SIPA1L2: variants seen among roughly 807,000 people sequenced by gnomAD.
SIPA1L2 encodes signal induced proliferation associated 1 like 2, also known as signal-induced proliferation-associated 1-like protein 2.
Under a neutral mutation model 163.9 loss-of-function variants are expected in SIPA1L2, and 56 were observed. That is an observed-to-expected ratio of 0.34 (90% CI 0.28 to 0.43). SIPA1L2 has a LOEUF of 0.43. Among genes scored for constraint, SIPA1L2 ranks in the 20% least tolerant of loss-of-function variants. The pLI, the probability that SIPA1L2 is intolerant of heterozygous loss-of-function variation, is 1.00. For missense variants in SIPA1L2, 1,974 were observed against 2,193.5 expected (o/e 0.90, Z 2.00); for synonymous variants, 877 against 865.7 (o/e 1.01, Z -0.23).
chr1:232,403,099 G>A (rs1006730027), intron 21 of SIPA1L2, among the ~76,000 whole-genome samples: 12 of 152,230 alleles, frequency 7.9e-5, no homozygotes, highest in Non-Finnish European at 1.2e-4. Flanking sequence ...GCCAATCGGC[G>A]AGTTATCCCT....
intron 3 of SIPA1L2, among the ~76,000 whole-genome samples, chr1:232,505,024 C>T (rs1666663648): frequency 6.6e-6 from 1 of 152,088 alleles, no homozygotes; most frequent in Non-Finnish European, 1.5e-5. Context: ...CAAATGTATC[C>T]TTGACATAAA....
At chr1:232,434,562 A>C (rs1335780836) in intron 15 of SIPA1L2, among the ~76,000 whole-genome samples, 4 of 152,262 alleles carry the variant, frequency 2.6e-5, no homozygotes, top group Admixed American at 6.5e-5. Flanking sequence ...AACATGACCA[A>C]GGTGACCTGA....
chr1:232,540,369 T>C (rs1342220414), intron 2 of SIPA1L2, among the ~76,000 whole-genome samples: 3 of 152,156 alleles, frequency 2.0e-5, no homozygotes, highest in African/African-American at 7.2e-5. Flanking sequence ...AAGATGGCAA[T>C]GAAGTGGCAC....
intron 16 of SIPA1L2, among the ~76,000 whole-genome samples, chr1:232,429,389 C>A (rs1027905528): frequency 1.3e-5 from 2 of 152,174 alleles, no homozygotes; most frequent in Admixed American, 6.5e-5. Flanking sequence ...CTGTGTGCCT[C>A]TGAGATGACT....
In SIPA1L2 at chr1:232,441,382, T is replaced by G. The variant is rs1392124215; in HGVS notation, c.3551A>C (p.His1184Pro). ...EASRHPETKW[H>P]GPPSKVLGSY... ...ACCCAGGACTTTGGAAGGTGGGCCA[T>G]GCCATTTGGTTTCTGTCACATAAAA... The change falls in exon 14 of 23, where the codon CAT becomes CCT. Residue 1184 changes from histidine to proline, a missense_variant. His to Pro is a moderately conservative substitution (Grantham distance 77). Coordinates refer to ENST00000674635, the MANE Select transcript of SIPA1L2 (RefSeq NM_020808.5). The G allele has an allele frequency of 1.2e-6, 2 of 1,602,010 alleles. No individual in the cohort carries two copies. Among genetic ancestry groups the G allele is most frequent in the Non-Finnish European group, 1.7e-6 (2 of 1,177,256 alleles).
At chr1:232,443,745 T>C (rs1198338080) in intron 11 of SIPA1L2, 60 bp from the exon 12 acceptor site, 13 of 1,333,446 alleles carry the variant, frequency 9.7e-6, no homozygotes, top group Non-Finnish European at 1.2e-5. Flanking sequence ...CCCCTTGACC[T>C]GGCCTGTTTT....
At chr1:232,439,620 T>A (rs1257794062) in intron 14 of SIPA1L2, 124 bp from the exon 15 acceptor site, 3 of 1,137,716 alleles carry the variant, frequency 2.6e-6, no homozygotes, top group Non-Finnish European at 3.7e-6. Context: ...CTCTTCAATG[T>A]GGGCAATGAC....
chr1:232,522,083 A>C (rs1444029122), intron 2 of SIPA1L2, among the ~76,000 whole-genome samples: 1 of 151,972 alleles, frequency 6.6e-6, no homozygotes, highest in Non-Finnish European at 1.5e-5. Context: ...AATCCTGCCC[A>C]TTTTACCTTC....
At chr1:232,485,612 T>G (rs982407384) in intron 5 of SIPA1L2, among the ~76,000 whole-genome samples, 3 of 152,208 alleles carry the variant, frequency 2.0e-5, no homozygotes, top group African/African-American at 7.2e-5. Context: ...AGAAGACATT[T>G]CAGGGTCTTA....
chr1:232,613,803 T>C (rs752235529), intron 1 of SIPA1L2, among the ~76,000 whole-genome samples: 22 of 152,180 alleles, frequency 1.4e-4, no homozygotes, highest in Non-Finnish European at 3.1e-4. Context: ...AGGTGCTATG[T>C]GCTTTCTAAC....
intron 19 of SIPA1L2, among the ~76,000 whole-genome samples, chr1:232,410,557 T>C (rs1159520398): frequency 6.6e-6 from 1 of 151,896 alleles, no homozygotes; most frequent in Non-Finnish European, 1.5e-5. Context: ...TATATATATA[T>C]ATATACGCAA....
intron 16 of SIPA1L2, among the ~76,000 whole-genome samples, chr1:232,430,558 C>T (rs540324070): frequency 2.2e-4 from 33 of 152,106 alleles, no homozygotes; most frequent in Non-Finnish European, 4.1e-4. Context: ...TTCAGCAATC[C>T]GGTAAAACAC....
chr1:232,490,006 T>C (rs570041008), intron 5 of SIPA1L2, among the ~76,000 whole-genome samples: 27 of 152,304 alleles, frequency 1.8e-4, no homozygotes, highest in Non-Finnish European at 3.7e-4. Context: ...TTCGGCGGCC[T>C]GTACAATTCC....
chr1:232,607,631 G>T (rs12142056), intron 1 of SIPA1L2, among the ~76,000 whole-genome samples: 30,971 of 151,728 alleles, frequency 0.2, 3,919 homozygotes, highest in African/African-American at 0.36. Flanking sequence ...ACTTCTCCTC[G>T]TATTTATTAA....
intron 2 of SIPA1L2, among the ~76,000 whole-genome samples, chr1:232,521,451 T>C (rs1667455806): frequency 6.6e-6 from 1 of 152,212 alleles, no homozygotes; most frequent in South Asian, 2.1e-4. Context: ...TGATTTGTAC[T>C]TCATAGTGAA....
chr1:232,546,761 T>G (rs1202434454), intron 2 of SIPA1L2, among the ~76,000 whole-genome samples: 1 of 152,172 alleles, frequency 6.6e-6, no homozygotes, highest in Admixed American at 6.5e-5. Context: ...AGACATGCAT[T>G]AAGACATGTT....
chr1:232,564,480 G>T (rs1284484638), intron 2 of SIPA1L2, among the ~76,000 whole-genome samples: 1 of 151,916 alleles, frequency 6.6e-6, no homozygotes, highest in Non-Finnish European at 1.5e-5. Flanking sequence ...AAGCCTGCCT[G>T]CAAGGGATGG....
At chr1:232,466,735 G>A (rs1664537792) in intron 8 of SIPA1L2, among the ~76,000 whole-genome samples, 1 of 152,144 alleles carries the variant, frequency 6.6e-6, no homozygotes, top group African/African-American at 2.4e-5. Flanking sequence ...AGCTTGCAGT[G>A]AGCCGAGATC....
At chr1:232,614,779 T>C (rs1444352016) in intron 1 of SIPA1L2, among the ~76,000 whole-genome samples, 2 of 152,252 alleles carry the variant, frequency 1.3e-5, no homozygotes, top group Non-Finnish European at 2.9e-5. Context: ...CCTTTCCATC[T>C]TACAAAAATT....
Sources: allele counts gnomAD v4.1 joint callset (sites outside exome capture counted in the v4.1 genomes callset), GRCh38; gene constraint gnomAD v4.1.1; transcripts MANE v1.5; gene names NCBI Gene and HGNC (gene_info 2026-07-23, HGNC 2026-07-21).